ERBB4: variants seen among roughly 807,000 people sequenced by gnomAD.
ERBB4 encodes receptor tyrosine-protein kinase erbB-4.
Under a neutral mutation model 158.0 loss-of-function variants are expected in ERBB4, and 42 were observed. The ratio of observed to expected loss-of-function variants is 0.27; its 90% CI spans 0.21 to 0.34. The LOEUF (loss-of-function observed/expected upper bound fraction) is 0.34, where lower values mean the gene tolerates loss of function less well. Ranked by LOEUF, ERBB4 falls within the 10% of genes least tolerant of loss-of-function variation. The probability of loss-of-function intolerance (pLI) is 1.00; values close to 1 mark genes in which losing one functional copy is unlikely to be tolerated. For synonymous variants in ERBB4, 583 were observed against 558.7 expected, an observed-to-expected ratio of 1.04 and a Z score of -0.61; for missense variants, 1,333 against 1,624.1, an observed-to-expected ratio of 0.82 and a Z score of 3.08.
intron 3 of ERBB4, among the ~76,000 whole-genome samples, chr2:211,802,262 C>CAA (rs55912021): frequency 1.4e-5 from 2 of 143,786 alleles, no homozygotes; most frequent in African/African-American, 2.5e-5. Flanking sequence ...CAGTCTCCAA[C>CAA]AAAAAAAAAA....
chr2:212,125,834 G>A (rs1265801404), intron 1 of ERBB4, among the ~76,000 whole-genome samples: 1 of 152,128 alleles, frequency 6.6e-6, no homozygotes, highest in Non-Finnish European at 1.5e-5. Flanking sequence ...GGGCATTTAG[G>A]GTGATTCCAT....
At chr2:212,478,548 CAGAG>C (rs1283919184) in intron 1 of ERBB4, among the ~76,000 whole-genome samples, 3 of 151,954 alleles carry the variant, frequency 2.0e-5, no homozygotes, top group Admixed American at 6.6e-5. Context: ...CATTCTGAGA[CAGAG>C]AGAGAGATGA....
chr2:212,513,420 T>A (rs1180357858), intron 1 of ERBB4, among the ~76,000 whole-genome samples: 2 of 152,166 alleles, frequency 1.3e-5, no homozygotes, highest in East Asian at 3.9e-4. Flanking sequence ...TCATGCTAAA[T>A]ACCTTATACA....
intron 3 of ERBB4, among the ~76,000 whole-genome samples, chr2:211,816,035 T>A (rs997380849): frequency 6.6e-6 from 1 of 152,018 alleles, no homozygotes; most frequent in Non-Finnish European, 1.5e-5. Flanking sequence ...GCTTTCTGAC[T>A]CGGACTGAGC....
At chr2:212,277,742 T>A (rs185384394) in intron 1 of ERBB4, among the ~76,000 whole-genome samples, 170 of 151,862 alleles carry the variant, frequency 1.1e-3, no homozygotes, top group African/African-American at 4.0e-3. Context: ...TTCCCTTTCT[T>A]GTTCATCTTT....
chr2:212,427,634 CAAAT>C (rs2091942690), intron 1 of ERBB4, among the ~76,000 whole-genome samples: 1 of 152,084 alleles, frequency 6.6e-6, no homozygotes, highest in Non-Finnish European at 1.5e-5. Context: ...CCTTTTCCTA[CAAAT>C]AAATTTTATT....
chr2:212,218,340 T>C (rs2083173401), intron 1 of ERBB4, among the ~76,000 whole-genome samples: 1 of 151,340 alleles, frequency 6.6e-6, no homozygotes, highest in African/African-American at 2.4e-5. Flanking sequence ...ATGAGAAAGA[T>C]AAATTTTTCC....
At chr2:212,340,047 C>CTTT (rs11381212) in intron 1 of ERBB4, among the ~76,000 whole-genome samples, 28 of 146,664 alleles carry the variant, frequency 1.9e-4, no homozygotes, top group Non-Finnish European at 1.3e-4. Flanking sequence ...AATTAATATT[C>CTTT]TTTTTTTTTT....
chr2:211,759,728 A>T (rs1420952723), intron 4 of ERBB4, among the ~76,000 whole-genome samples: 1 of 151,396 alleles, frequency 6.6e-6, no homozygotes, highest in Non-Finnish European at 1.5e-5. Context: ...TTCAAATTGG[A>T]AATGCTGTAT....
At chr2:212,219,850 A>G (rs1245363705) in intron 1 of ERBB4, among the ~76,000 whole-genome samples, 4 of 151,338 alleles carry the variant, frequency 2.6e-5, no homozygotes, top group African/African-American at 7.3e-5. Context: ...TTGTCAATGA[A>G]AACAACCTTT....
intron 1 of ERBB4, among the ~76,000 whole-genome samples, chr2:212,193,942 G>A (rs989781775): frequency 6.6e-6 from 1 of 151,884 alleles, no homozygotes; most frequent in Non-Finnish European, 1.5e-5. Flanking sequence ...TGTAATTCTA[G>A]AGCCACACCA....
intron 1 of ERBB4, among the ~76,000 whole-genome samples, chr2:212,434,714 A>G (rs941910290): frequency 6.6e-6 from 1 of 152,008 alleles, no homozygotes; most frequent in Admixed American, 6.6e-5. Flanking sequence ...TCAATGTTCC[A>G]GCAGACACTT....
intron 1 of ERBB4, among the ~76,000 whole-genome samples, chr2:212,277,108 A>G (rs191624657): frequency 6.6e-6 from 1 of 151,862 alleles, no homozygotes; most frequent in Non-Finnish European, 1.5e-5. Flanking sequence ...ATCATGTGAG[A>G]GAATAGTCAG....
At chr2:211,927,783 A>T (rs960745077) in intron 3 of ERBB4, among the ~76,000 whole-genome samples, 1 of 152,020 alleles carries the variant, frequency 6.6e-6, no homozygotes, top group Non-Finnish European at 1.5e-5. Context: ...TTCATTATCT[A>T]GAAGTTAAGG....
At chr2:211,943,949 C>T (rs2080578287) in intron 3 of ERBB4, among the ~76,000 whole-genome samples, 1 of 151,180 alleles carries the variant, frequency 6.6e-6, no homozygotes, top group Non-Finnish European at 1.5e-5. Flanking sequence ...TTCATGTTAA[C>T]TAATATCTCT....
chr2:212,508,430 T>G (rs893627505), intron 1 of ERBB4, among the ~76,000 whole-genome samples: 2 of 152,174 alleles, frequency 1.3e-5, no homozygotes, highest in African/African-American at 4.8e-5. Flanking sequence ...TTATGCATTG[T>G]GTTATAATTT....
At chr2:211,436,655 A>G (rs2063862014) in intron 20 of ERBB4, among the ~76,000 whole-genome samples, 2 of 152,332 alleles carry the variant, frequency 1.3e-5, no homozygotes, top group Middle Eastern at 3.4e-3. Flanking sequence ...TTAATTGCCT[A>G]TTTCAGAAAA....
At chr2:211,401,942 AATATATT>A (rs2063051843) in intron 25 of ERBB4, among the ~76,000 whole-genome samples, 1 of 151,450 alleles carries the variant, frequency 6.6e-6, no homozygotes, top group Non-Finnish European at 1.5e-5. Context: ...ATAATATAAT[AATATATT>A]ATATATTACT....
chr2:212,029,010 G>A (rs2076839355), intron 2 of ERBB4, among the ~76,000 whole-genome samples: 1 of 152,138 alleles, frequency 6.6e-6, no homozygotes, highest in East Asian at 1.9e-4. Context: ...ATGCCCACCA[G>A]TGCACGATGT....
Sources: allele counts gnomAD v4.1 joint callset (sites outside exome capture counted in the v4.1 genomes callset), GRCh38; gene constraint gnomAD v4.1.1; transcripts MANE v1.5; gene names NCBI Gene and HGNC (gene_info 2026-07-23, HGNC 2026-07-21).